GRK4: variants seen among roughly 807,000 people sequenced by gnomAD.
GRK4 encodes the protein G protein-coupled receptor kinase 4, also known as G protein-coupled receptor kinase 2-like.
GRK4 carries 73 observed loss-of-function variants against 77.9 expected under a neutral mutation model. The observed-to-expected ratio is 0.94, with a 90% CI of 0.78 to 1.14. The LOEUF is 1.14. Among genes scored for constraint, GRK4 ranks in the 50% most tolerant of loss-of-function variants. The probability of loss-of-function intolerance (pLI) is 0.00; values close to 1 mark genes in which losing one functional copy is unlikely to be tolerated. For synonymous variants in GRK4, 257 were observed against 254.4 expected, an observed-to-expected ratio of 1.01 and a Z score of -0.10; for missense variants, 729 against 700.2, an observed-to-expected ratio of 1.04 and a Z score of -0.46.
intron 12 of GRK4, among the ~76,000 whole-genome samples, chr4:3,029,651 C>T (rs1738596036): frequency 6.6e-6 from 1 of 151,882 alleles, no homozygotes; most frequent in Non-Finnish European, 1.5e-5. Context: ...TCAGGTCCAC[C>T]TGTCTCCTGG....
chr4:3,035,292 C>T (rs1469229756), intron 12 of GRK4, 94 bp from the exon 13 acceptor site: 1 of 1,238,606 alleles, frequency 8.1e-7, no homozygotes, highest in East Asian at 2.3e-5. Flanking sequence ...CCTGCTCTGC[C>T]CTCCCGAGTC....
chr4:3,013,856 T>C (rs372439107), intron 8 of GRK4, 28 bp downstream of exon 8: 22 of 1,582,618 alleles, frequency 1.4e-5, no homozygotes, highest in Admixed American at 7.4e-5. Flanking sequence ...GTCTTCACTG[T>C]GCATTGTTTG....
intron 7 of GRK4, among the ~76,000 whole-genome samples, chr4:3,012,134 G>C (rs1258533983): frequency 6.6e-6 from 1 of 152,170 alleles, no homozygotes; most frequent in African/African-American, 2.4e-5. Context: ...TCTCTGATTT[G>C]CCCATTCCAC....
chr4:3,031,391 A>G (rs1220513408), intron 12 of GRK4, among the ~76,000 whole-genome samples: 1 of 152,216 alleles, frequency 6.6e-6, no homozygotes, highest in Admixed American at 6.5e-5. Context: ...TCAAGAGCCC[A>G]TGCGGACCTG....
At chr4:3,023,855 T>C (rs948789765) in intron 10 of GRK4, among the ~76,000 whole-genome samples, 1 of 152,214 alleles carries the variant, frequency 6.6e-6, no homozygotes, top group African/African-American at 2.4e-5. Flanking sequence ...GTGTGTGTAG[T>C]GTGCTCCCTT....
chr4:3,001,229 GTGTA>G (rs1729617986), intron 4 of GRK4, among the ~76,000 whole-genome samples: 1 of 132,416 alleles, frequency 7.6e-6, no homozygotes, highest in Non-Finnish European at 1.6e-5. Flanking sequence ...ATGTATATAT[GTGTA>G]TGTGTATATA....
At chr4:3,032,179 G>T (rs911374316) in intron 12 of GRK4, among the ~76,000 whole-genome samples, 1 of 152,096 alleles carries the variant, frequency 6.6e-6, no homozygotes, top group African/African-American at 2.4e-5. Context: ...AAACAGAAAT[G>T]ACTGCAGTGA....
chr4:3,008,802 CAA>C (rs61512480), intron 6 of GRK4, among the ~76,000 whole-genome samples: 19 of 104,892 alleles, frequency 1.8e-4, no homozygotes, highest in Non-Finnish European at 1.0e-4. Context: ...GACTCTGTCT[CAA>C]AAAAAAAAAA....
At chr4:3,009,974 A>T (rs529332831) in intron 7 of GRK4, among the ~76,000 whole-genome samples, 1 of 152,304 alleles carries the variant, frequency 6.6e-6, no homozygotes, top group East Asian at 1.9e-4. Flanking sequence ...CAGCTCAGTC[A>T]CTTTGCCCAG....
At chr4:2,989,399 G>T (rs1357038127) in intron 3 of GRK4, among the ~76,000 whole-genome samples, 1 of 152,118 alleles carries the variant, frequency 6.6e-6, no homozygotes, top group African/African-American at 2.4e-5. Context: ...AACTAATTAA[G>T]ATGATAATGC....
Position 3,038,459 on chromosome 4 carries a change from T to C in GRK4, c.1629T>C (p.His543=), listed in dbSNP as rs1338283194. Residue 543 remains histidine (H), a synonymous_variant, in exon 15 of 16, where the codon CAT becomes CAC. Coordinates refer to ENST00000398052, the MANE Select transcript of GRK4 (RefSeq NM_182982.3). Reference sequence around the variant, plus strand: ...CATTAGATCTAGACAAGAACATACATACCCCGGTTTCCAGACCAAACAGAG... The same window carrying C: ...CATTAGATCTAGACAAGAACATACACACCCCGGTTTCCAGACCAAACAGAG... ...ALPLDLDKNI[H]TPVSRPNRGF... is the part of the protein sequence containing the mutation. 1.2e-6 allele frequency: 2 copies of C among 1,613,736 alleles called. No homozygotes were observed. Among genetic ancestry groups the C allele is most frequent in the East Asian group, 2.2e-5 (1 of 44,872 alleles).
At chr4:3,014,035 G>A (rs1281126516) in intron 8 of GRK4, among the ~76,000 whole-genome samples, 1 of 152,162 alleles carries the variant, frequency 6.6e-6, no homozygotes, top group Non-Finnish European at 1.5e-5. Flanking sequence ...AAACATAGAA[G>A]GAGTGATACT....
At chr4:2,973,891 G>A (rs1294698734) in intron 1 of GRK4, among the ~76,000 whole-genome samples, 2 of 152,238 alleles carry the variant, frequency 1.3e-5, no homozygotes, top group Admixed American at 6.5e-5. Context: ...TAAGACCGCC[G>A]CCCCAACCTC....
intron 3 of GRK4, among the ~76,000 whole-genome samples, chr4:2,989,698 A>G (rs577378096): frequency 1.3e-5 from 2 of 152,234 alleles, no homozygotes; most frequent in African/African-American, 4.8e-5. Flanking sequence ...CCAGAAGCAT[A>G]TGGAAGGGAT....
chr4:2,993,995 G>A (rs1234111173), intron 4 of GRK4, among the ~76,000 whole-genome samples: 2 of 152,112 alleles, frequency 1.3e-5, no homozygotes, highest in Admixed American at 6.5e-5. Context: ...AGTGCCAGAG[G>A]GGATGGCCAG....
At chr4:3,027,593 A>G (rs948229833) in intron 10 of GRK4, among the ~76,000 whole-genome samples, 1 of 152,128 alleles carries the variant, frequency 6.6e-6, no homozygotes, top group Non-Finnish European at 1.5e-5. Flanking sequence ...TTATATTTTT[A>G]TTGATGTACC....
intron 12 of GRK4, among the ~76,000 whole-genome samples, chr4:3,032,260 A>G (rs1050336599): frequency 2.6e-5 from 4 of 151,850 alleles, no homozygotes; most frequent in Non-Finnish European, 5.9e-5. Context: ...AGGCAGGTGG[A>G]TCATGAGGTC....
rs138100796 is a variant in GRK4, at chr4:3,007,744, A to G, written c.452A>G (p.His151Arg). Residue 151 changes from histidine (H) to arginine (R), a missense_variant, in exon 6 of 16, where the codon CAT (histidine) becomes CGT (arginine). Physicochemically the swap from His to Arg is conservative, Grantham distance 29. Transcript: ENST00000398052. ...KAFEECTRVA[H>R]NYLRGEPFEE... ...AAAAAATCTTTTTCTAGAGTTGCCC[A>G]TAACTACCTAAGAGGGGAACCATTT... The G allele has an allele frequency of 5.0e-6, 8 of 1,589,768 alleles. No individual in the cohort carries two copies. The highest frequency in any genetic ancestry group is 3.7e-5 in the Admixed American group (2 of 54,202).
At chr4:2,984,972 AATATAT>A (rs1448146214) in intron 2 of GRK4, among the ~76,000 whole-genome samples, 1 of 152,078 alleles carries the variant, frequency 6.6e-6, no homozygotes, top group Non-Finnish European at 1.5e-5. Context: ...TTTTACAAGT[AATATAT>A]ATACTCATTG....
Sources: allele counts gnomAD v4.1 joint callset (sites outside exome capture counted in the v4.1 genomes callset), GRCh38; gene constraint gnomAD v4.1.1; transcripts MANE v1.5; gene names NCBI Gene and HGNC (gene_info 2026-07-23, HGNC 2026-07-21).